The following MRS2 variants were observed in gnomAD, a reference collection of about 807,000 sequenced individuals.
MRS2 encodes the protein magnesium transporter MRS2, also known as magnesium transporter MRS2 homolog, mitochondrial.
In MRS2, 40 loss-of-function variants were observed where a neutral mutation model predicts 52.6. That is an observed-to-expected ratio of 0.76 (90% confidence interval 0.59 to 0.99). The LOEUF (loss-of-function observed/expected upper bound fraction) is 0.99, where lower values mean the gene tolerates loss of function less well. Among genes scored for constraint, MRS2 ranks in the 50% least tolerant of loss-of-function variants. The probability of loss-of-function intolerance (pLI) is 0.00; values close to 1 mark genes in which losing one functional copy is unlikely to be tolerated. For missense variants in MRS2, 472 were observed against 532.7 expected, an observed-to-expected ratio of 0.89 and a Z score of 1.12; for synonymous variants, 193 against 195.9, an observed-to-expected ratio of 0.98 and a Z score of 0.13.
intron 7 of MRS2, 47 bp from the exon 8 acceptor site, chr6:24,418,037 G>T: frequency 1.3e-6 from 2 of 1,542,578 alleles, no homozygotes; most frequent in Non-Finnish European, 1.8e-6. Flanking sequence ...CTAAGTATAT[G>T]ATACACATGT....
intron 10 of MRS2, chr6:24,423,262 C>CT: frequency 1.9e-6 from 1 of 531,436 alleles, no homozygotes; most frequent in South Asian, 2.8e-5. Flanking sequence ...AAAGCACTTA[C>CT]TAGCACACTG....
rs1234713453 is a variant in MRS2, at chr6:24,415,303, CTGTT to C, written c.719+145_719+148del. 9.2e-6 allele frequency: 7 copies of C among 761,586 alleles called. No homozygotes were observed. In the East Asian group the frequency reaches 1.4e-4, roughly 16 times the overall value. 47.2% of individuals were successfully genotyped at this position (761,586 alleles called of 1,614,324 possible). ...TGAGCTAAAAGGGGCACACAATCTA[CTGTT>C]TGTTGAAAAGATACTTTGCATGAAA... On this transcript the variant is annotated intron_variant, in intron 6 of 10. Transcript: ENST00000378386.
Position 24,408,449 on chromosome 6 carries a change from G to A in MRS2, c.301+5G>A, listed in dbSNP as rs1336994892. 6.3e-7 allele frequency: 1 copy of A among 1,575,812 alleles called. No homozygotes were observed. Among genetic ancestry groups the A allele is most frequent in the South Asian group, 1.1e-5 (1 of 89,634 alleles). ...AGGGAAACGTTACTTCTTTTGGTGA[G>A]TGATTAGCATTCTAAATCATTTTTT... On this transcript the variant is annotated splice_donor_5th_base_variant and intron_variant, in intron 3 of 10. Transcript: ENST00000378386.
At chr6:24,422,042 A>AG (rs1491404951) in intron 9 of MRS2, among the ~76,000 whole-genome samples, 6 of 117,504 alleles carry the variant, frequency 5.1e-5, no homozygotes, top group Admixed American at 4.1e-4. Flanking sequence ...CCAGCTACTC[A>AG]GGGGGGCCGA....
At chr6:24,404,906 A>G (rs2127280132) in intron 1 of MRS2, among the ~76,000 whole-genome samples, 1 of 152,352 alleles carries the variant, frequency 6.6e-6, no homozygotes, top group East Asian at 1.9e-4. Flanking sequence ...TAATAATTAG[A>G]AAGGTAAAAG....
At position 24,402,962 on chromosome 6, in the gene MRS2, G is replaced by T. The variant is rs889533283; in HGVS notation, c.-85G>T. ...CAGAGTCTGCAGGTCGGGCGGTAGC[G>T]ACAGGTCAGAGCTGCGGCCTGAGCA... On this transcript the variant is annotated 5_prime_UTR_variant, in exon 1 of 11. Transcript: ENST00000378386. 2.0e-5 allele frequency: 26 copies of T among 1,313,200 alleles called. No homozygotes were observed. In the African/African-American group the frequency reaches 2.7e-4, roughly 14 times the overall value. The allele number at this position is 1,313,200 out of a possible 1,614,324, so 81.3% of individuals were successfully genotyped here.
intron 2 of MRS2, among the ~76,000 whole-genome samples, chr6:24,406,024 GA>G (rs1761461947): frequency 6.7e-6 from 1 of 148,606 alleles, no homozygotes; most frequent in South Asian, 2.1e-4. Flanking sequence ...AGAATGGCAT[GA>G]ACCCAGGAGG....
chr6:24,415,563 G>A (rs1165064595), intron 6 of MRS2, among the ~76,000 whole-genome samples: 2 of 152,044 alleles, frequency 1.3e-5, no homozygotes, highest in African/African-American at 4.8e-5. Flanking sequence ...ATCATAAATA[G>A]AATAAACATG....
chr6:24,412,079 A>T, intron 4 of MRS2, 143 bp from the exon 5 acceptor site: 1 of 460,094 alleles, frequency 2.2e-6, no homozygotes, highest in Non-Finnish European at 3.5e-6. Flanking sequence ...GTAAAGTATT[A>T]AACCAAATTT....
chr6:24,422,998 G>A lies in MRS2; in HGVS notation c.1169G>A (p.Arg390Lys), dbSNP rs370922750. ...IMFMGSGLIW[R>K]RLLSFLGRQL... ...TTCATGGGAAGTGGCCTCATCTGGA[G>A]GCGCCTGCTTTCATTCCTTGGACGA... The change falls in exon 10 of 11, where the codon AGG becomes AAG. Residue 390 changes from arginine to lysine, a missense_variant. Transcript: ENST00000378386. 2 of 1,614,006 alleles carry A rather than the reference G, an allele frequency of 1.2e-6. No homozygotes were observed. The highest frequency in any genetic ancestry group is 1.3e-5 in the African/African-American group (1 of 74,914).
chr6:24,423,730 T>C lies in MRS2; in HGVS notation c.*36T>C. The C allele has an allele frequency of 9.6e-7, 1 of 1,036,846 alleles. No individual in the cohort carries two copies. The highest frequency in any genetic ancestry group is 1.4e-6 in the Non-Finnish European group (1 of 690,834). The allele number at this position is 1,036,846 out of a possible 1,614,324, so 64.2% of individuals were successfully genotyped here. On this transcript the variant is annotated 3_prime_UTR_variant, in exon 11 of 11. Coordinates refer to ENST00000378386, the MANE Select transcript of MRS2 (RefSeq NM_020662.4). ...GTGGATACTGAAGTTTTTTTTATGG[T>C]AGTTACAGGAAACTTCTGATACTCT... is the stretch of plus-strand genomic sequence containing the variant.
At chr6:24,412,183 TCA>T (rs1261840919) in intron 4 of MRS2, 37 bp from the exon 5 acceptor site, 2 of 1,287,278 alleles carry the variant, frequency 1.6e-6, no homozygotes, top group South Asian at 1.5e-5. Flanking sequence ...GTATATACAC[TCA>T]CATATTTATA....
At chr6:24,414,561 C>T (rs1464379374) in intron 5 of MRS2, among the ~76,000 whole-genome samples, 4 of 152,110 alleles carry the variant, frequency 2.6e-5, no homozygotes, top group African/African-American at 9.7e-5. Context: ...TCTACACAGA[C>T]ACAGTAACAA....
chr6:24,417,480 T>G lies in MRS2; in HGVS notation c.837-604T>G, dbSNP rs955592315. ...ATTCATCTGCATTCACATATCTGGA[T>G]TTTCCTGTAACTGGCAGCATGTATC... On this transcript the variant is annotated intron_variant, in intron 7 of 10. Coordinates refer to ENST00000378386, the MANE Select transcript of MRS2 (RefSeq NM_020662.4). 2.0e-5 allele frequency among the ~76,000 whole-genome samples: 3 copies of G among 152,356 alleles called. No homozygotes were observed. The East Asian group carries it at 5.8e-4, about 29-fold the overall frequency.
chr6:24,417,325 A>G (rs1444500118), intron 7 of MRS2, among the ~76,000 whole-genome samples: 3 of 152,210 alleles, frequency 2.0e-5, no homozygotes, highest in Non-Finnish European at 4.4e-5. Flanking sequence ...GAGCAAAGTT[A>G]TTACTGATAT....
At position 24,416,671 on chromosome 6, in the gene MRS2, G is replaced by A. The variant is rs374231546; in HGVS notation, c.836+158G>A. 7.2e-5 allele frequency among the ~76,000 whole-genome samples: 11 copies of A among 151,986 alleles called. No individual in the cohort carries two copies. In the South Asian group the frequency reaches 1.9e-3, roughly 26 times the overall value. On this transcript the variant is annotated intron_variant, in intron 7 of 10. Transcript: ENST00000378386. ...TTTCCCTTTTTTCCTGTGCAGTATC[G>A]TATCTAATTCAATGTAATTCTATGA...
At chr6:24,422,054 G>A (rs114409297) in intron 9 of MRS2, among the ~76,000 whole-genome samples, 1,759 of 152,280 alleles carry the variant, frequency 0.012, 18 homozygotes, top group Non-Finnish European at 0.015. Flanking sequence ...GGGGGCCGAG[G>A]CACAAGAATC....
intron 2 of MRS2, among the ~76,000 whole-genome samples, chr6:24,407,437 C>T (rs962479443): frequency 6.6e-6 from 1 of 152,020 alleles, no homozygotes; most frequent in East Asian, 1.9e-4. Flanking sequence ...AACCCAAGAC[C>T]TATATTGTAC....
chr6:24,419,560 G>T (rs1264438506), intron 9 of MRS2, among the ~76,000 whole-genome samples: 1 of 152,202 alleles, frequency 6.6e-6, no homozygotes, highest in African/African-American at 2.4e-5. Context: ...CTTTGTAGAT[G>T]AGAAGACTGA....
Sources: gnomAD v4.1 joint callset for allele counts (sites outside exome capture counted in the v4.1 genomes callset) on GRCh38, gnomAD v4.1.1 for gene constraint, MANE v1.5 for transcripts, NCBI Gene and HGNC (gene_info 2026-07-23, HGNC 2026-07-21) for gene names.